JADE3: variants seen among roughly 807,000 people sequenced by gnomAD.
JADE3 encodes the protein jade family PHD finger 3.
Under a neutral mutation model 50.1 loss-of-function variants are expected in JADE3, and 2 were observed. The ratio of observed to expected loss-of-function variants is 0.04; its 90% CI spans 0.02 to 0.13. JADE3 has a LOEUF of 0.13. Among genes scored for constraint, JADE3 ranks in the 10% least tolerant of loss-of-function variants. JADE3 has a pLI of 1.00. For synonymous variants in JADE3, 218 were observed against 232.9 expected, an observed-to-expected ratio of 0.94 and a Z score of 0.58; for missense variants, 475 against 634.4, an observed-to-expected ratio of 0.75 and a Z score of 2.70.
chrX:47,029,679 A>G (rs1928977149), intron 6 of JADE3, among the ~76,000 whole-genome samples: 1 of 112,041 alleles, frequency 8.9e-6, no homozygotes, highest in African/African-American at 3.2e-5. Flanking sequence ...TTATTCTGTG[A>G]CCAATTGGGT....
At chrX:46,983,498 C>G (rs1556353533) in intron 1 of JADE3, among the ~76,000 whole-genome samples, 1 of 111,191 alleles carries the variant, frequency 9.0e-6, no homozygotes, top group Non-Finnish European at 1.9e-5. Flanking sequence ...ACCTCTCAGC[C>G]ACATTCTCCT....
At chrX:46,988,998 C>T (rs1556355293) in intron 3 of JADE3, among the ~76,000 whole-genome samples, 1 of 111,584 alleles carries the variant, frequency 9.0e-6, no homozygotes, top group African/African-American at 3.3e-5. Context: ...TGCCACCGTG[C>T]CTGGGTAATT....
At chrX:46,950,233 C>T (rs1349787386) in intron 1 of JADE3, among the ~76,000 whole-genome samples, 2 of 112,165 alleles carry the variant, frequency 1.8e-5, no homozygotes, top group East Asian at 2.8e-4. Flanking sequence ...GCAACCATCT[C>T]CATAACTCAG....
At chrX:46,995,457 C>G (rs144177861) in intron 3 of JADE3, among the ~76,000 whole-genome samples, 192 of 111,708 alleles carry the variant, frequency 1.7e-3, no homozygotes, top group African/African-American at 5.6e-3. Context: ...TCTCTCCCCT[C>G]CCTGTTTTCT....
chrX:46,985,593 G>A, intron 2 of JADE3, 120 bp from the exon 3 acceptor site: 1 of 492,263 alleles, frequency 2.0e-6, no homozygotes, highest in Non-Finnish European at 3.5e-6. Context: ...TCAGTGGTAT[G>A]AGCTCTCTGG....
At chrX:46,931,138 T>G (rs782074631) in intron 1 of JADE3, among the ~76,000 whole-genome samples, 27 of 111,999 alleles carry the variant, frequency 2.4e-4, no homozygotes, top group African/African-American at 8.8e-4. Flanking sequence ...TTGGTTTATG[T>G]GTAGGACAAT....
At chrX:46,923,728 T>G (rs1393506962) in intron 1 of JADE3, among the ~76,000 whole-genome samples, 1 of 110,754 alleles carries the variant, frequency 9.0e-6, no homozygotes, top group Non-Finnish European at 1.9e-5. Context: ...CACCAGAGAT[T>G]TCTGATTTCT....
At chrX:47,018,344 T>A (rs1229561136) in intron 4 of JADE3, among the ~76,000 whole-genome samples, 4 of 110,392 alleles carry the variant, frequency 3.6e-5, no homozygotes, top group African/African-American at 1.3e-4. Context: ...ACTTTCTTTT[T>A]TTTTTTTGAG....
At chrX:47,019,686 AAATATT>A (rs1928753087) in intron 4 of JADE3, among the ~76,000 whole-genome samples, 1 of 112,449 alleles carries the variant, frequency 8.9e-6, no homozygotes, top group Non-Finnish European at 1.9e-5. Flanking sequence ...TGTACCTGCC[AAATATT>A]TAGATCAACT....
At chrX:47,008,109 G>A (rs782431588) in intron 4 of JADE3, among the ~76,000 whole-genome samples, 1 of 111,700 alleles carries the variant, frequency 9.0e-6, no homozygotes, top group African/African-American at 3.2e-5. Context: ...AAGATGAATA[G>A]AGTTATAAAA....
chrX:47,002,293 T>C (rs894841695), intron 4 of JADE3, among the ~76,000 whole-genome samples: 8 of 111,855 alleles, frequency 7.2e-5, no homozygotes, highest in Non-Finnish European at 1.5e-4. Flanking sequence ...ATATGAGGCA[T>C]AGATCAAAGT....
chrX:46,918,509 A>T (rs189692978), intron 1 of JADE3, among the ~76,000 whole-genome samples: 92 of 112,221 alleles, frequency 8.2e-4, no homozygotes, highest in African/African-American at 2.8e-3. Context: ...ACTATTTCTT[A>T]TCTACAGAGT....
At chrX:47,028,142 C>T in intron 6 of JADE3, 39 bp downstream of exon 6, 4 of 1,002,257 alleles carry the variant, frequency 4.0e-6, no homozygotes, top group Non-Finnish European at 5.6e-6. Context: ...CTACGGTCAG[C>T]CTTTCTGAAG....
rs782685488 is a variant in JADE3, at chrX:47,059,831, A to G, written c.*754A>G. On this transcript the variant is annotated 3_prime_UTR_variant, in exon 11 of 11. Transcript: ENST00000614628. ...TTCTCTGTTTAGGCATTTGTGAAGG[A>G]TTCCAGAGCCTTTCCCAAAGTGAGA... 8.9e-6 allele frequency: 1 copy of G among 112,481 alleles called. No homozygotes were observed. The highest frequency in any genetic ancestry group is 3.2e-5 in the African/African-American group (1 of 30,950). The allele number at this position is 112,481 out of a possible 1,213,427, so 9.3% of individuals were successfully genotyped here. A position where few individuals can be genotyped will look rare whatever the true frequency, so the allele number is the denominator to read the frequency against.
At chrX:46,975,979 C>T (rs1477176333) in intron 1 of JADE3, among the ~76,000 whole-genome samples, 2 of 110,206 alleles carry the variant, frequency 1.8e-5, no homozygotes, top group African/African-American at 6.6e-5. Flanking sequence ...CTGCCCACCT[C>T]GACCTTCCAA....
intron 1 of JADE3, among the ~76,000 whole-genome samples, chrX:46,968,241 A>G (rs1296001490): frequency 8.9e-6 from 1 of 112,175 alleles, no homozygotes; most frequent in Non-Finnish European, 1.9e-5. Flanking sequence ...TTTAATAGTT[A>G]ATTTTTAAAT....
chrX:46,993,348 ATTACTTGG>A (rs1556356478), intron 3 of JADE3, among the ~76,000 whole-genome samples: 1 of 112,158 alleles, frequency 8.9e-6, no homozygotes, highest in Non-Finnish European at 1.9e-5. Flanking sequence ...AACAAGCTTA[ATTACTTGG>A]TTTTCTGACC....
chrX:47,040,494 C>A (rs1326733419), intron 8 of JADE3, among the ~76,000 whole-genome samples: 1 of 111,931 alleles, frequency 8.9e-6, no homozygotes, highest in Non-Finnish European at 1.9e-5. Context: ...TCTCCCATCA[C>A]CCCCAGATGG....
chrX:46,998,526 A>G (rs1385568165), intron 4 of JADE3, among the ~76,000 whole-genome samples: 4 of 110,504 alleles, frequency 3.6e-5, no homozygotes, highest in African/African-American at 1.3e-4. Flanking sequence ...CCAATCTGAA[A>G]TTATGATAAA....
Sources: gnomAD v4.1 joint callset for allele counts (sites outside exome capture counted in the v4.1 genomes callset) on GRCh38, gnomAD v4.1.1 for gene constraint, MANE v1.5 for transcripts, NCBI Gene and HGNC (gene_info 2026-07-23, HGNC 2026-07-21) for gene names.